Variants in HIP1 observed in about 807,000 individuals in gnomAD.
HIP1 encodes the protein huntingtin-interacting protein 1.
Under a neutral mutation model 147.6 loss-of-function variants are expected in HIP1, and 65 were observed. The ratio of observed to expected loss-of-function variants is 0.44; its 90% CI spans 0.36 to 0.54. The LOEUF (loss-of-function observed/expected upper bound fraction) is 0.54, where lower values mean the gene tolerates loss of function less well. HIP1 is among the 20% of genes least tolerant of loss of function. The pLI is 0.00. For synonymous variants in HIP1, 479 were observed against 504.0 expected (o/e 0.95, Z 0.67); for missense variants, 1,061 against 1,299.6 (o/e 0.82, Z 2.82).
At chr7:75,593,545 G>T (rs587773264) in intron 2 of HIP1, among the ~76,000 whole-genome samples, 1 of 148,284 alleles carries the variant, frequency 6.7e-6, no homozygotes, top group Non-Finnish European at 1.5e-5. Context: ...CAAGAGAATT[G>T]CTTGAATCCG....
chr7:75,556,549 G>A (rs947798001), intron 17 of HIP1, among the ~76,000 whole-genome samples, 161 bp downstream of exon 17: 1 of 152,170 alleles, frequency 6.6e-6, no homozygotes, highest in African/African-American at 2.4e-5. Flanking sequence ...GCCAGGTGTA[G>A]GGGTGTGTGC....
intron 1 of HIP1, among the ~76,000 whole-genome samples, chr7:75,664,375 CAT>C (rs1446652347): frequency 2.6e-4 from 15 of 56,974 alleles, no homozygotes; most frequent in African/African-American, 1.3e-3. Flanking sequence ...TATACACATA[CAT>C]ATGTGTATGT....
intron 8 of HIP1, 143 bp downstream of exon 8, chr7:75,573,618 G>T: frequency 1.2e-6 from 1 of 807,320 alleles, no homozygotes; most frequent in Non-Finnish European, 1.9e-6. Flanking sequence ...CCTCACAATG[G>T]TCAGAAGCTC....
intron 7 of HIP1, among the ~76,000 whole-genome samples, chr7:75,578,609 C>T (rs977631597): frequency 1.3e-5 from 2 of 152,054 alleles, no homozygotes; most frequent in Non-Finnish European, 1.5e-5. Context: ...GCCCCAGAAG[C>T]GGAGGTTGCA....
intron 4 of HIP1, among the ~76,000 whole-genome samples, chr7:75,589,367 A>T (rs1796400184): frequency 6.6e-6 from 1 of 151,918 alleles, no homozygotes; most frequent in African/African-American, 2.4e-5. Flanking sequence ...GTAGGATGAG[A>T]AAGTCTGACA....
chr7:75,619,515 C>CAAAAAAAA (rs587631989), intron 1 of HIP1, among the ~76,000 whole-genome samples: 2 of 109,714 alleles, frequency 1.8e-5, no homozygotes, highest in Non-Finnish European at 1.9e-5. Flanking sequence ...GACTTTGTCT[C>CAAAAAAAA]AAAAAAAAAA....
chr7:75,540,601 G>A (rs1794269020), intron 29 of HIP1, among the ~76,000 whole-genome samples: 1 of 151,478 alleles, frequency 6.6e-6, no homozygotes, highest in Non-Finnish European at 1.5e-5. Context: ...ACAGAGCAAG[G>A]CCCTGACTCA....
rs1375290932 is a variant in HIP1, at chr7:75,738,936, C to T, written c.-16G>A. 1.3e-5 allele frequency: 20 copies of T among 1,535,080 alleles called. No individual in the cohort carries two copies. Among genetic ancestry groups the T allele is most frequent in the Non-Finnish European group, 1.7e-5 (19 of 1,142,028 alleles). ...TCCGATCCATGTCGCCGCGAGGAGC[C>T]GAGTCAGGGGCCCTCGGCTGCCCCG... On this transcript the variant is annotated 5_prime_UTR_variant, in exon 1 of 31. Coordinates refer to ENST00000336926, the MANE Select transcript of HIP1 (RefSeq NM_005338.7).
intron 22 of HIP1, among the ~76,000 whole-genome samples, chr7:75,549,295 A>C (rs1554491679): frequency 6.6e-6 from 1 of 151,862 alleles, no homozygotes; most frequent in Non-Finnish European, 1.5e-5. Context: ...TTAGTTGTGC[A>C]GTGTCAATTG....
At chr7:75,567,464 T>G (rs1182011174) in intron 9 of HIP1, among the ~76,000 whole-genome samples, 1 of 151,530 alleles carries the variant, frequency 6.6e-6, no homozygotes, top group African/African-American at 2.5e-5. Context: ...TAGGTAGATT[T>G]GCCTCTGTCT....
At chr7:75,639,449 C>T (rs1425439554) in intron 1 of HIP1, among the ~76,000 whole-genome samples, 3 of 151,566 alleles carry the variant, frequency 2.0e-5, no homozygotes, top group Non-Finnish European at 1.5e-5. Flanking sequence ...CCGCGGCCCC[C>T]GGGCTCGCAC....
intron 1 of HIP1, among the ~76,000 whole-genome samples, chr7:75,685,504 T>C (rs1030593035): frequency 6.6e-6 from 1 of 152,236 alleles, no homozygotes; most frequent in Non-Finnish European, 1.5e-5. Context: ...TTCCTTCTTA[T>C]AGCTCTGTGC....
intron 1 of HIP1, among the ~76,000 whole-genome samples, chr7:75,645,995 C>T (rs947278327): frequency 6.6e-6 from 1 of 152,170 alleles, no homozygotes; most frequent in Non-Finnish European, 1.5e-5. Context: ...GCTCACTATC[C>T]GGATGATGGA....
At chr7:75,670,530 C>T (rs781945244) in intron 1 of HIP1, among the ~76,000 whole-genome samples, 10 of 152,054 alleles carry the variant, frequency 6.6e-5, no homozygotes, top group African/African-American at 1.2e-4. Context: ...GCAACCATCA[C>T]GGCCGTTCAT....
intron 1 of HIP1, among the ~76,000 whole-genome samples, chr7:75,720,551 C>T (rs193069629): frequency 8.5e-4 from 129 of 152,332 alleles, no homozygotes; most frequent in African/African-American, 3.0e-3. Flanking sequence ...GTTAAAGAAA[C>T]ATATCTGTGG....
intron 1 of HIP1, among the ~76,000 whole-genome samples, chr7:75,737,668 T>A (rs1802068825): frequency 6.6e-6 from 1 of 152,118 alleles, no homozygotes; most frequent in Admixed American, 6.6e-5. Flanking sequence ...CTTTGAAAGA[T>A]TCCATATACA....
chr7:75,542,509 G>C (rs370839750), intron 28 of HIP1, among the ~76,000 whole-genome samples: 28 of 152,114 alleles, frequency 1.8e-4, no homozygotes, highest in Admixed American at 5.9e-4. Flanking sequence ...GACCAGCTTG[G>C]CTAACATAGT....
chr7:75,554,624 AAGCTTCCTGCCTAGACG>A, intron 19 of HIP1, 98 bp from the exon 20 acceptor site: 3 of 813,678 alleles, frequency 3.7e-6, no homozygotes, highest in South Asian at 1.4e-5. Flanking sequence ...CCTAGTGGGT[AAGCTTCCTGCCTAGACG>A]TGAAGTTCAT....
Position 75,678,511 on chromosome 7 carries a change from T to G in HIP1, c.120+60290A>C, listed in dbSNP as rs1238942100. Among the ~76,000 whole-genome samples, 3 of 151,910 alleles carry G rather than the reference T, an allele frequency of 2.0e-5. No individual in the cohort carries two copies. In the East Asian group the frequency reaches 5.8e-4, roughly 29 times the overall value. On this transcript the variant is annotated intron_variant, in intron 1 of 30. Transcript: ENST00000336926. Reference sequence around the variant, plus strand: ...GGCGCCCGCCACCACACCCGGCTAATTTTTGTATTTTTAGTAGAGATGGGA... The same window carrying G: ...GGCGCCCGCCACCACACCCGGCTAAGTTTTGTATTTTTAGTAGAGATGGGA...
Sources: allele counts gnomAD v4.1 joint callset (sites outside exome capture counted in the v4.1 genomes callset), GRCh38; gene constraint gnomAD v4.1.1; transcripts MANE v1.5; gene names NCBI Gene and HGNC (gene_info 2026-07-23, HGNC 2026-07-21).